DCBLD1: variants seen among roughly 807,000 people sequenced by gnomAD.
DCBLD1 encodes the protein discoidin, CUB and LCCL domain-containing protein 1.
Under a neutral mutation model 71.5 loss-of-function variants are expected in DCBLD1, and 57 were observed. The ratio of observed to expected loss-of-function variants is 0.80; its 90% CI spans 0.64 to 0.99. DCBLD1 has a LOEUF of 0.99. Among genes scored for constraint, DCBLD1 ranks in the 50% least tolerant of loss-of-function variants. DCBLD1 has a pLI of 0.00. For missense variants in DCBLD1, 891 were observed against 923.5 expected, an observed-to-expected ratio of 0.96 and a Z score of 0.46; for synonymous variants, 380 against 363.8, an observed-to-expected ratio of 1.04 and a Z score of -0.51.
chr6:117,568,883 C>A (rs1348980848), intron 14 of DCBLD1, among the ~76,000 whole-genome samples: 6 of 152,168 alleles, frequency 3.9e-5, no homozygotes, highest in Non-Finnish European at 5.9e-5. Flanking sequence ...CTCTGAGATG[C>A]AATTCTACAG....
At chr6:117,525,042 A>G (rs902162552) in intron 4 of DCBLD1, among the ~76,000 whole-genome samples, 3 of 152,150 alleles carry the variant, frequency 2.0e-5, no homozygotes, top group East Asian at 1.9e-4. Context: ...AGATTATACT[A>G]TATATAATGT....
Position 117,538,684 on chromosome 6 carries a change from G to C in DCBLD1, c.825G>C (p.Ser275=). The C allele has an allele frequency of 1.9e-6, 3 of 1,614,010 alleles. No homozygotes were observed. The highest frequency in any genetic ancestry group is 2.5e-6 in the Non-Finnish European group (3 of 1,180,034). Residue 275 remains serine, a synonymous_variant, in exon 8 of 15, where the codon TCG becomes TCC. Coordinates refer to ENST00000338728, the MANE Select transcript of DCBLD1 (RefSeq NM_001366458.2). ...GQIRASSSWQ[S]VNESGDQVHW... Reference sequence around the variant, plus strand: ...TCAGAGCTTCTTCCTCATGGCAGTCGGTCAATGAGAGTGGAGACCAAGTTC... The same window carrying C: ...TCAGAGCTTCTTCCTCATGGCAGTCCGTCAATGAGAGTGGAGACCAAGTTC...
intron 2 of DCBLD1, 114 bp downstream of exon 2, chr6:117,504,093 C>A: frequency 8.4e-7 from 1 of 1,188,284 alleles, no homozygotes; most frequent in Non-Finnish European, 1.2e-6. Context: ...GAGAAACTTG[C>A]TTCTGTAAAT....
At chr6:117,499,700 T>C (rs1777588221) in intron 1 of DCBLD1, among the ~76,000 whole-genome samples, 1 of 152,156 alleles carries the variant, frequency 6.6e-6, no homozygotes, top group Non-Finnish European at 1.5e-5. Flanking sequence ...GATACTGACA[T>C]TGATACCTAA....
chr6:117,526,760 G>A (rs963702891), intron 5 of DCBLD1, among the ~76,000 whole-genome samples: 2 of 152,114 alleles, frequency 1.3e-5, no homozygotes, highest in Non-Finnish European at 2.9e-5. Context: ...TGCCTTTTTT[G>A]TGTATGTCAA....
intron 5 of DCBLD1, among the ~76,000 whole-genome samples, chr6:117,527,105 A>G (rs907112832): frequency 6.6e-6 from 1 of 152,234 alleles, no homozygotes; most frequent in African/African-American, 2.4e-5. Context: ...GGACCTTCCC[A>G]ACGTGGCCAC....
At chr6:117,537,300 C>T (rs542095615) in intron 7 of DCBLD1, 75 bp downstream of exon 7, 51 of 1,376,424 alleles carry the variant, frequency 3.7e-5, no homozygotes, top group African/African-American at 2.3e-4. Flanking sequence ...TTTGGGAGGC[C>T]GAGGCAGGCG....
chr6:117,566,905 TACC>T (rs568822030), intron 14 of DCBLD1: 107 of 1,607,592 alleles, frequency 6.7e-5, no homozygotes, highest in Non-Finnish European at 9.0e-5. Flanking sequence ...GCACCAGGGT[TACC>T]ACCTCCTTCT....
chr6:117,491,643 C>A (rs1220071080), intron 1 of DCBLD1, among the ~76,000 whole-genome samples: 1 of 152,068 alleles, frequency 6.6e-6, no homozygotes, highest in East Asian at 1.9e-4. Flanking sequence ...TCAAATTTCC[C>A]AAGCTATCCT....
intron 1 of DCBLD1, 34 bp downstream of exon 1, chr6:117,482,927 C>A: frequency 1.7e-6 from 2 of 1,167,378 alleles, no homozygotes; most frequent in South Asian, 3.3e-5. Context: ...CGGCGGGACC[C>A]GAGGCGCCAG....
intron 2 of DCBLD1, among the ~76,000 whole-genome samples, chr6:117,518,156 G>A (rs1047394009): frequency 2.6e-5 from 4 of 152,038 alleles, no homozygotes; most frequent in South Asian, 2.1e-4. Context: ...TGTTTTCCAC[G>A]TGATACCCTA....
intron 2 of DCBLD1, among the ~76,000 whole-genome samples, chr6:117,516,279 T>G (rs1778194693): frequency 6.6e-6 from 1 of 150,572 alleles, no homozygotes. Context: ...GAGAATGGTG[T>G]GAACCCAGGA....
intron 3 of DCBLD1, 93 bp from the exon 4 acceptor site, chr6:117,521,432 T>A (rs192207394): frequency 8.9e-7 from 1 of 1,128,664 alleles, no homozygotes; most frequent in Non-Finnish European, 1.3e-6. Context: ...AAATGCTTTT[T>A]AAAAACTCTT....
At chr6:117,547,069 C>T (rs560344029) in intron 14 of DCBLD1, among the ~76,000 whole-genome samples, 9 of 152,310 alleles carry the variant, frequency 5.9e-5, no homozygotes, top group Middle Eastern at 6.8e-3. Flanking sequence ...TTTGTGACTT[C>T]TATGTGCATT....
intron 12 of DCBLD1, 54 bp from the exon 13 acceptor site, chr6:117,544,474 G>A (rs1779199706): frequency 5.7e-6 from 9 of 1,584,052 alleles, no homozygotes; most frequent in Admixed American, 5.1e-5. Flanking sequence ...TATAGGGAGA[G>A]AGAGGCAGAT....
chr6:117,553,311 A>C (rs1485601006), downstream of DCBLD1, among the ~76,000 whole-genome samples: 1 of 152,176 alleles, frequency 6.6e-6, no homozygotes, highest in Non-Finnish European at 1.5e-5. Flanking sequence ...TCCTCTTCTC[A>C]CAAAACCTGT....
At chr6:117,558,501 C>T (rs1283464386) in intron 14 of DCBLD1, among the ~76,000 whole-genome samples, 1 of 152,158 alleles carries the variant, frequency 6.6e-6, no homozygotes, top group African/African-American at 2.4e-5. Context: ...GTCTCCAAAA[C>T]TCTCCCCAAG....
At position 117,521,505 on chromosome 6, in the gene DCBLD1, ATT is replaced by A; in HGVS notation, c.461-19_461-18del. On this transcript the variant is annotated intron_variant, in intron 3 of 14. Transcript: ENST00000338728. Reference sequence around the variant, plus strand: ...GTTTTTATTCATTCTATTAATTGCAATTATCTTTATTTATGACAGATTTAATA... The same window carrying A: ...GTTTTTATTCATTCTATTAATTGCAAATCTTTATTTATGACAGATTTAATA... 2 of 1,559,298 alleles carry A rather than the reference ATT, an allele frequency of 1.3e-6. No homozygotes were observed. The highest frequency in any genetic ancestry group is 1.4e-5 in the African/African-American group (1 of 71,016).
intron 2 of DCBLD1, among the ~76,000 whole-genome samples, chr6:117,509,137 T>C (rs1368919883): frequency 6.6e-6 from 1 of 152,168 alleles, no homozygotes; most frequent in Non-Finnish European, 1.5e-5. Flanking sequence ...TTCCCTCATA[T>C]TTAAAATGGG....
Sources: gnomAD v4.1 joint callset for allele counts (sites outside exome capture counted in the v4.1 genomes callset) on GRCh38, gnomAD v4.1.1 for gene constraint, MANE v1.5 for transcripts, NCBI Gene and HGNC (gene_info 2026-07-23, HGNC 2026-07-21) for gene names.